Variants in GALNT2 observed in about 807,000 individuals in gnomAD.
GALNT2 encodes the protein UDP-GalNAc:polypeptide N-acetylgalactosaminyltransferase 2.
A neutral mutation model predicts 81.4 loss-of-function variants in GALNT2; 31 were observed. The ratio of observed to expected loss-of-function variants is 0.38; its 90% CI spans 0.29 to 0.51. GALNT2 has a LOEUF of 0.51. Among genes scored for constraint, GALNT2 ranks in the 20% least tolerant of loss-of-function variants. The probability of loss-of-function intolerance (pLI) is 0.87; values close to 1 mark genes in which losing one functional copy is unlikely to be tolerated. For missense variants in GALNT2, 629 were observed against 765.7 expected (o/e 0.82, Z 2.11); for synonymous variants, 303 against 287.4 (o/e 1.05, Z -0.55).
chr1:230,206,931 G>A (rs1022484378), intron 3 of GALNT2, among the ~76,000 whole-genome samples: 2 of 151,958 alleles, frequency 1.3e-5, no homozygotes, highest in Non-Finnish European at 2.9e-5. Context: ...ACCTCAGTGA[G>A]GTATCCCTTG....
At chr1:230,211,176 T>G (rs755717182) in intron 3 of GALNT2, among the ~76,000 whole-genome samples, 2 of 152,182 alleles carry the variant, frequency 1.3e-5, no homozygotes, top group African/African-American at 2.4e-5. Context: ...GAGATTCTTG[T>G]GACGGAACCG....
At chr1:230,129,379 G>A (rs571905250) in intron 1 of GALNT2, among the ~76,000 whole-genome samples, 13 of 152,254 alleles carry the variant, frequency 8.5e-5, no homozygotes, top group East Asian at 3.9e-4. Context: ...ATGCAGAGGC[G>A]TGATCGTAGC....
At chr1:230,166,363 A>T (rs1662603117) in intron 1 of GALNT2, among the ~76,000 whole-genome samples, 2 of 152,268 alleles carry the variant, frequency 1.3e-5, no homozygotes, top group African/African-American at 4.8e-5. Context: ...TCTTGGGTGC[A>T]GATAGCACAC....
At chr1:230,222,843 T>A (rs1367940750) in intron 3 of GALNT2, among the ~76,000 whole-genome samples, 1 of 152,104 alleles carries the variant, frequency 6.6e-6, no homozygotes, top group Non-Finnish European at 1.5e-5. Context: ...TACTAAGATT[T>A]GATAGTTAGA....
chr1:230,102,441 T>C (rs1660428957), intron 1 of GALNT2, among the ~76,000 whole-genome samples: 1 of 152,192 alleles, frequency 6.6e-6, no homozygotes, highest in African/African-American at 2.4e-5. Context: ...GTCTCTGAAA[T>C]TGTAAGCCCA....
At chr1:230,140,883 C>T (rs932157337) in intron 1 of GALNT2, among the ~76,000 whole-genome samples, 4 of 152,206 alleles carry the variant, frequency 2.6e-5, no homozygotes, top group African/African-American at 9.7e-5. Context: ...ATTCAGAGGA[C>T]CTCTTTTCCA....
intron 13 of GALNT2, chr1:230,263,954 C>T (rs1665956574): frequency 6.6e-6 from 1 of 152,358 alleles, no homozygotes; most frequent in Non-Finnish European, 1.5e-5. Context: ...GGAACCGTTT[C>T]CTCTGCTTTT....
chr1:230,127,449 C>T (rs1212873593), intron 1 of GALNT2, among the ~76,000 whole-genome samples: 1 of 152,032 alleles, frequency 6.6e-6, no homozygotes, highest in African/African-American at 2.4e-5. Context: ...AATCTTGCCT[C>T]ACTGCAACCT....
chr1:230,077,875 A>G (rs1420183614), intron 1 of GALNT2, among the ~76,000 whole-genome samples: 1 of 152,248 alleles, frequency 6.6e-6, no homozygotes. Context: ...TCAATTCACC[A>G]TCCATTCCTA....
At chr1:230,066,540 T>C (rs1458543969), upstream of GALNT2, among the ~76,000 whole-genome samples, 1 of 152,206 alleles carries the variant, frequency 6.6e-6, no homozygotes, top group Non-Finnish European at 1.5e-5. Flanking sequence ...TCTGCCTATA[T>C]AGATAAATAA....
intron 1 of GALNT2, among the ~76,000 whole-genome samples, chr1:230,132,353 A>C (rs995445226): frequency 6.6e-6 from 1 of 151,630 alleles, no homozygotes; most frequent in Non-Finnish European, 1.5e-5. Flanking sequence ...AACACACCAG[A>C]CTCCTTTTCT....
chr1:230,254,904 T>G (rs575143861), intron 10 of GALNT2, among the ~76,000 whole-genome samples: 5 of 152,258 alleles, frequency 3.3e-5, no homozygotes, highest in African/African-American at 9.6e-5. Flanking sequence ...GAGGCCTTTA[T>G]ATTTACAGTA....
intron 14 of GALNT2, among the ~76,000 whole-genome samples, chr1:230,268,913 C>G (rs889276300): frequency 1.3e-5 from 2 of 152,234 alleles, no homozygotes; most frequent in Admixed American, 1.3e-4. Context: ...TTCCTTGCCT[C>G]TGCACCAACT....
chr1:230,203,096 A>C (rs1458847687), intron 2 of GALNT2, 41 bp from the exon 3 acceptor site: 2 of 1,583,690 alleles, frequency 1.3e-6, no homozygotes, highest in South Asian at 2.3e-5. Context: ...GCACTTGGTC[A>C]CATTTTCCCT....
chr1:230,145,863 G>C (rs1265668528), intron 1 of GALNT2, among the ~76,000 whole-genome samples: 2 of 152,198 alleles, frequency 1.3e-5, no homozygotes, highest in Non-Finnish European at 2.9e-5. Flanking sequence ...ATTTCGGCTT[G>C]CTTGCCTGCC....
At chr1:230,156,530 C>A (rs1662262389) in intron 1 of GALNT2, among the ~76,000 whole-genome samples, 2 of 152,156 alleles carry the variant, frequency 1.3e-5, no homozygotes, top group Admixed American at 6.5e-5. Context: ...CATAAAGTTG[C>A]CAGCATTTTC....
intron 10 of GALNT2, among the ~76,000 whole-genome samples, chr1:230,251,433 C>A (rs1047329144): frequency 2.6e-5 from 4 of 152,048 alleles, no homozygotes; most frequent in African/African-American, 9.7e-5. Context: ...TATTATTTTT[C>A]CATTGTTTTA....
intron 1 of GALNT2, among the ~76,000 whole-genome samples, chr1:230,128,390 T>TG (rs35718581): frequency 0.18 from 26,953 of 151,870 alleles, 2,865 homozygotes; most frequent in South Asian, 0.27. Context: ...CTTGGAGTTT[T>TG]GGGGGGCTCT....
intron 1 of GALNT2, among the ~76,000 whole-genome samples, chr1:230,115,707 A>G (rs572204337): frequency 4.6e-5 from 7 of 152,208 alleles, no homozygotes; most frequent in Non-Finnish European, 7.3e-5. Context: ...TCTTCCTTTC[A>G]CAAAAGATTT....
Sources: allele counts gnomAD v4.1 joint callset (sites outside exome capture counted in the v4.1 genomes callset), GRCh38; gene constraint gnomAD v4.1.1; transcripts MANE v1.5; gene names NCBI Gene and HGNC (gene_info 2026-07-23, HGNC 2026-07-21).